ZNF568: variants seen among roughly 807,000 people sequenced by gnomAD.
ZNF568 encodes zinc finger protein 568, also known as p53 inhibitor of SCO2 activation.
Under a neutral mutation model 18.1 loss-of-function variants are expected in ZNF568, and 11 were observed. The ratio of observed to expected loss-of-function variants is 0.61; its 90% CI spans 0.38 to 1.00. The LOEUF (loss-of-function observed/expected upper bound fraction) is 1.00. Among genes scored for constraint, ZNF568 ranks in the 50% least tolerant of loss-of-function variants. ZNF568 has a pLI of 0.01. For synonymous variants in ZNF568, 213 were observed against 246.6 expected (o/e 0.86, Z 1.28); for missense variants, 639 against 768.2 (o/e 0.83, Z 1.99).
intron 7 of ZNF568, among the ~76,000 whole-genome samples, chr19:36,978,628 T>C (rs2074304702): frequency 6.6e-6 from 1 of 152,214 alleles, no homozygotes; most frequent in Non-Finnish European, 1.5e-5. Context: ...GATTCTTCTT[T>C]TAATGGGAGG....
intron 4 of ZNF568, among the ~76,000 whole-genome samples, chr19:36,927,860 GTATATA>G (rs1219440874): frequency 4.0e-4 from 13 of 32,118 alleles, no homozygotes; most frequent in African/African-American, 1.1e-3. Flanking sequence ...GTGTGTGTGT[GTATATA>G]TATATATATA....
intron 3 of ZNF568, among the ~76,000 whole-genome samples, chr19:36,923,886 G>A (rs2073500762): frequency 6.6e-6 from 1 of 151,902 alleles, no homozygotes; most frequent in African/African-American, 2.4e-5. Context: ...GCTTTCTCTG[G>A]TTAAGTTAGA....
intron 6 of ZNF568, among the ~76,000 whole-genome samples, chr19:36,941,982 A>ATT (rs2073886565): frequency 1.4e-5 from 2 of 138,858 alleles, no homozygotes; most frequent in African/African-American, 2.8e-5. Context: ...CTGCTCTGTA[A>ATT]ATTTTTTTTT....
At chr19:36,940,174 A>G (rs1295118825) in intron 6 of ZNF568, among the ~76,000 whole-genome samples, 2 of 152,214 alleles carry the variant, frequency 1.3e-5, no homozygotes, top group Non-Finnish European at 2.9e-5. Context: ...TCATGCTATT[A>G]AATAGGTATT....
chr19:36,919,754 C>T (rs552629970), intron 2 of ZNF568, among the ~76,000 whole-genome samples: 1 of 152,248 alleles, frequency 6.6e-6, no homozygotes, highest in Admixed American at 6.5e-5. Context: ...CTGAAAAATT[C>T]CTGTCACCTA....
At chr19:36,997,672 C>T, downstream of ZNF568, 1 of 1,098,492 alleles carries the variant, frequency 9.1e-7, no homozygotes, top group Non-Finnish European at 1.3e-6. Context: ...TCGGGCCTCA[C>T]ACCTTAGTCA....
At chr19:36,995,448 T>A (rs552566322) in intron 4 of ZNF568, among the ~76,000 whole-genome samples, 1 of 152,288 alleles carries the variant, frequency 6.6e-6, no homozygotes, top group South Asian at 2.1e-4. Context: ...AGATTGCATA[T>A]ACTTGGATCA....
At position 36,930,213 on chromosome 19, in the gene ZNF568, C is replaced by CTTT. The variant is rs35298028; in HGVS notation, c.135+4967_135+4969dup. ...ATGGCTTTTGTCAGGGATGCAATTT[C>CTTT]TTTTTTTTTTTTTTGAGACAGAGTC... On this transcript the variant is annotated intron_variant, in intron 4 of 6. Coordinates refer to ENST00000333987, the MANE Select transcript of ZNF568 (RefSeq NM_198539.4). Among the ~76,000 whole-genome samples, 767 of 142,368 alleles carry CTTT rather than the reference C, an allele frequency of 5.4e-3. 8 individuals carry two copies. Among genetic ancestry groups the CTTT allele is most frequent in the Middle Eastern group, 7.1e-3 (2 of 280 alleles). The allele number at this position is 142,368 out of a possible 152,430, so 93.4% of individuals were successfully genotyped here.
At chr19:36,934,858 T>G (rs1163577018) in intron 4 of ZNF568, among the ~76,000 whole-genome samples, 1 of 152,192 alleles carries the variant, frequency 6.6e-6, no homozygotes, top group East Asian at 1.9e-4. Flanking sequence ...TTTCACAAAT[T>G]TCTTTCTGTT....
intron 2 of ZNF568, among the ~76,000 whole-genome samples, chr19:36,987,444 C>T (rs1294063547): frequency 6.6e-6 from 1 of 152,180 alleles, no homozygotes; most frequent in Non-Finnish European, 1.5e-5. Context: ...GAACAAAGCC[C>T]AGGAAGTGGC....
Position 36,935,876 on chromosome 19 carries a change from G to A in ZNF568, c.136-870G>A, listed in dbSNP as rs1352490177. ...TTGAACCTAAAATGTATTTCCTGTAGACAGCATGTAGTTGAATTCTGTTTT... is the reference window on the plus strand; with the variant it reads ...TTGAACCTAAAATGTATTTCCTGTAAACAGCATGTAGTTGAATTCTGTTTT... On this transcript the variant is annotated intron_variant, in intron 4 of 6. Coordinates refer to ENST00000333987, the MANE Select transcript of ZNF568 (RefSeq NM_198539.4). 7.9e-5 allele frequency among the ~76,000 whole-genome samples: 12 copies of A among 152,102 alleles called. No homozygotes were observed. The East Asian group carries it at 2.3e-3, about 29-fold the overall frequency.
At chr19:36,970,438 G>A (rs535530398) in intron 6 of ZNF568, among the ~76,000 whole-genome samples, 1 of 151,354 alleles carries the variant, frequency 6.6e-6, no homozygotes, top group South Asian at 2.1e-4. Context: ...CTCTGCCTCC[G>A]GGTACAAGTG....
At chr19:36,982,149 C>A (rs575318533), downstream of ZNF568, among the ~76,000 whole-genome samples, 5 of 152,098 alleles carry the variant, frequency 3.3e-5, no homozygotes, top group South Asian at 8.3e-4. Context: ...GTATTGATTT[C>A]TTTTCTTCTT....
chr19:36,946,276 A>G (rs1249790421), intron 6 of ZNF568, among the ~76,000 whole-genome samples: 1 of 152,102 alleles, frequency 6.6e-6, no homozygotes, highest in East Asian at 1.9e-4. Context: ...TAGCATTACC[A>G]CAATCACTTC....
chr19:36,971,990 A>C (rs1367395108), intron 6 of ZNF568, among the ~76,000 whole-genome samples: 1 of 150,486 alleles, frequency 6.6e-6, no homozygotes, highest in Non-Finnish European at 1.5e-5. Flanking sequence ...GCGCGCCACC[A>C]CACCCAGGTA....
At chr19:36,955,499 C>T (rs544940862), downstream of ZNF568, among the ~76,000 whole-genome samples, 9 of 152,174 alleles carry the variant, frequency 5.9e-5, no homozygotes, top group African/African-American at 2.2e-4. Context: ...AGCAGATGAT[C>T]TGGTCTCTGT....
downstream of ZNF568, among the ~76,000 whole-genome samples, chr19:36,980,939 G>A (rs2074326348): frequency 6.6e-6 from 1 of 152,176 alleles, no homozygotes. Context: ...GTCATCTCAT[G>A]AGCATAAACT....
intron 4 of ZNF568, among the ~76,000 whole-genome samples, chr19:36,992,747 T>C (rs2074437204): frequency 6.6e-6 from 1 of 152,210 alleles, no homozygotes; most frequent in Admixed American, 6.5e-5. Flanking sequence ...CACAACAGTC[T>C]AATTGTAGAA....
intron 6 of ZNF568, among the ~76,000 whole-genome samples, chr19:36,974,138 G>A (rs979256677): frequency 5.9e-4 from 90 of 152,236 alleles, no homozygotes; most frequent in African/African-American, 2.1e-3. Flanking sequence ...GTGTCTTGGC[G>A]CCACAGACTT....
Sources: allele counts gnomAD v4.1 joint callset (sites outside exome capture counted in the v4.1 genomes callset), GRCh38; gene constraint gnomAD v4.1.1; transcripts MANE v1.5; gene names NCBI Gene and HGNC (gene_info 2026-07-23, HGNC 2026-07-21).